Variants in SETX observed in about 807,000 individuals in gnomAD.
The protein encoded by SETX is senataxin.
A neutral mutation model predicts 227.2 loss-of-function variants in SETX; 90 were observed. That is an observed-to-expected ratio of 0.40 (90% confidence interval 0.33 to 0.47). SETX has a LOEUF of 0.47. Among genes scored for constraint, SETX ranks in the 20% least tolerant of loss-of-function variants. The pLI is 0.91. For missense variants in SETX, 3,052 were observed against 3,181.5 expected (o/e 0.96, Z 0.98); for synonymous variants, 1,210 against 1,113.2 (o/e 1.09, Z -1.73).
chr9:132,275,719 T>C (rs1359340385), intron 22 of SETX, among the ~76,000 whole-genome samples: 1 of 152,224 alleles, frequency 6.6e-6, no homozygotes, highest in African/African-American at 2.4e-5. Context: ...ACTTTCTTCA[T>C]CTGTTGAAAC....
At chr9:132,296,697 C>T (rs1844691771) in intron 14 of SETX, among the ~76,000 whole-genome samples, 190 bp downstream of exon 14, 2 of 152,082 alleles carry the variant, frequency 1.3e-5, no homozygotes, top group South Asian at 4.1e-4. Context: ...GTGGTTTTTT[C>T]CTCTTTTTAT....
In SETX at chr9:132,328,418, A is replaced by C. The variant is rs749368120; in HGVS notation, c.3180T>G (p.Asn1060Lys). 1.2e-6 allele frequency: 2 copies of C among 1,613,878 alleles called. No homozygotes were observed. The highest frequency in any genetic ancestry group is 1.7e-6 in the Non-Finnish European group (2 of 1,179,988). The part of the protein sequence containing the change: ...VSTVNSKEEK[N>K]PVKEEKTETL... The stretch of plus-strand genomic sequence containing the variant: ...TCTCTGTCTTTTCTTCCTTTACTGG[A>C]TTCTTTTCCTCCTTACTATTAACTG... The change falls in exon 10 of 26, where the codon AAT becomes AAG. Residue 1060 changes from asparagine (N) to lysine (K), a missense_variant. Transcript: ENST00000224140.
Position 132,326,706 on chromosome 9 carries a change from A to G in SETX, c.4892T>C (p.Ile1631Thr). Residue 1631 changes from isoleucine to threonine, a missense_variant, in exon 10 of 26, where the codon ATA (isoleucine) becomes ACA (threonine). Transcript: ENST00000224140. ...SPSLKNKSKG[I>T]QSILKVPQPV... ...CTGTGGTACTTTCAAAATCGACTGTATCCCCTTTGACTTATTTTTTAGAGA... is the reference window on the plus strand; with the variant it reads ...CTGTGGTACTTTCAAAATCGACTGTGTCCCCTTTGACTTATTTTTTAGAGA... 1.2e-6 allele frequency: 2 copies of G among 1,614,204 alleles called. No homozygotes were observed. The highest frequency in any genetic ancestry group is 1.7e-6 in the Non-Finnish European group (2 of 1,180,034).
rs769867022 is a variant in SETX, at chr9:132,298,240, A to C, written c.5621T>G (p.Leu1874Arg). ...QENFPANLNELVNCIVISSLV... is the reference protein window; with the variant it reads ...QENFPANLNERVNCIVISSLV... ...AGAACTGATTACAATACAATTCACA[A>C]GTTCGTTTAAATTGGCCGGAAAGTT... The change falls in exon 13 of 26, where the codon CTT (leucine) becomes CGT (arginine). Residue 1874 changes from leucine to arginine, a missense_variant. Physicochemically the swap from Leu to Arg is moderately radical, Grantham distance 102 (BLOSUM62 -2). Coordinates refer to ENST00000224140, the MANE Select transcript of SETX (RefSeq NM_015046.7). 2.5e-6 allele frequency: 4 copies of C among 1,614,120 alleles called. No homozygotes were observed. The highest frequency in any genetic ancestry group is 3.3e-4 in the Middle Eastern group (2 of 6,062).
At position 132,327,455 on chromosome 9, in the gene SETX, T is replaced by C; in HGVS notation, c.4143A>G (p.Ala1381=). 6.2e-7 allele frequency: 1 copy of C among 1,614,210 alleles called. No homozygotes were observed. Among genetic ancestry groups the C allele is most frequent in the Non-Finnish European group, 8.5e-7 (1 of 1,180,052 alleles). Residue 1381 remains alanine, a synonymous_variant, in exon 10 of 26, where the codon GCA becomes GCG. Coordinates refer to ENST00000224140, the MANE Select transcript of SETX (RefSeq NM_015046.7). ...CTGGTACAAATATGTCAGAATTCTGTGCTGTATGTGACCCTGCTCTTTTAA... is the reference window on the plus strand; with the variant it reads ...CTGGTACAAATATGTCAGAATTCTGCGCTGTATGTGACCCTGCTCTTTTAA... ...TDVKRAGSHT[A]QNSDIFVPES...
At chr9:132,309,889 T>C (rs959688411) in intron 11 of SETX, among the ~76,000 whole-genome samples, 1 of 152,134 alleles carries the variant, frequency 6.6e-6, no homozygotes, top group African/African-American at 2.4e-5. Context: ...GATTTCTTAC[T>C]CTTCATTTAA....
Position 132,283,423 on chromosome 9 carries a change from C to G in SETX, c.6397-10G>C, listed in dbSNP as rs747494912. The G allele has an allele frequency of 1.2e-6, 2 of 1,614,150 alleles. No individual in the cohort carries two copies. The highest frequency in any genetic ancestry group is 1.7e-6 in the Non-Finnish European group (2 of 1,180,026). On this transcript the variant is annotated splice_polypyrimidine_tract_variant and intron_variant, in intron 18 of 25. Coordinates refer to ENST00000224140, the MANE Select transcript of SETX (RefSeq NM_015046.7). ...GTGGGCGTCCTTGAACCTAAGAGAA[C>G]AAAGGTTAAATCAATATTCAGCTGT...
intron 22 of SETX, among the ~76,000 whole-genome samples, chr9:132,275,851 C>T (rs1843132780): frequency 6.6e-6 from 1 of 152,166 alleles, no homozygotes; most frequent in Non-Finnish European, 1.5e-5. Flanking sequence ...CATGTATGAT[C>T]TTCCTTGTCC....
rs1482921427 is a variant in SETX at position 132,336,029 on chromosome 9, G to GTCAGGA, written c.718+261_718+266dup. On this transcript the variant is annotated intron_variant, in intron 6 of 25. Coordinates refer to ENST00000224140, the MANE Select transcript of SETX (RefSeq NM_015046.7). ...GGCCAGGGTGGGCAGATCACTTGAT[G>GTCAGGA]TCAGGAGTTCAAGACCAGCCTGGCC... Among the ~76,000 whole-genome samples, 6 of 152,278 alleles carry GTCAGGA rather than the reference G, an allele frequency of 3.9e-5. No individual in the cohort carries two copies. The South Asian group carries it at 1.2e-3, about 32-fold the overall frequency.
At chr9:132,356,411 AG>A (rs1848916075), upstream of SETX, among the ~76,000 whole-genome samples, 2 of 152,256 alleles carry the variant, frequency 1.3e-5, no homozygotes, top group African/African-American at 4.8e-5. Flanking sequence ...CATGTTGGCC[AG>A]GATGGTCTCA....
chr9:132,270,679 G>A (rs573340693), intron 24 of SETX, among the ~76,000 whole-genome samples: 12 of 152,270 alleles, frequency 7.9e-5, no homozygotes, highest in African/African-American at 2.9e-4. Flanking sequence ...TTGAAGCCTT[G>A]AAAAATCCTA....
At chr9:132,280,349 T>C (rs553925982) in intron 20 of SETX, among the ~76,000 whole-genome samples, 1 of 152,328 alleles carries the variant, frequency 6.6e-6, no homozygotes, top group East Asian at 1.9e-4. Context: ...TTGAGGCCCA[T>C]TAACAATCTC....
At position 132,346,451 on chromosome 9, in the gene SETX, G is replaced by A. The variant is rs916252109; in HGVS notation, c.198C>T (p.Thr66=). 6.2e-7 allele frequency: 1 copy of A among 1,611,958 alleles called. No homozygotes were observed. Among genetic ancestry groups the A allele is most frequent in the Non-Finnish European group, 8.5e-7 (1 of 1,178,774 alleles). Residue 66 remains threonine (T), a synonymous_variant, in exon 4 of 26, where the codon ACC becomes ACT. Transcript: ENST00000224140. ...TTTCAAAGTGATTTATGAGACGTAA[G>A]GTTTCTAATTCCCATAAAACCTAGA... is the stretch of plus-strand genomic sequence containing the variant. ...FLHEVLWELE[T]LRLINHFEKS...
At chr9:132,291,887 G>T (rs1023641791) in intron 15 of SETX, among the ~76,000 whole-genome samples, 2 of 152,154 alleles carry the variant, frequency 1.3e-5, no homozygotes, top group African/African-American at 4.8e-5. Flanking sequence ...AAGTAGAGGG[G>T]CCTGAAAGAG....
chr9:132,342,395 T>G (rs1300148239), intron 5 of SETX, among the ~76,000 whole-genome samples: 1 of 152,088 alleles, frequency 6.6e-6, no homozygotes, highest in Non-Finnish European at 1.5e-5. Flanking sequence ...GTCAAGCAGG[T>G]GAGAAAGTCA....
At position 132,290,574 on chromosome 9, in the gene SETX, C is replaced by CAAAAAAA. The variant is rs59954158; in HGVS notation, c.6107-1930_6107-1924dup. Among the ~76,000 whole-genome samples the CAAAAAAA allele has an allele frequency of 3.8e-3, 172 of 44,706 alleles. 9 individuals are homozygous for CAAAAAAA. The highest frequency in any genetic ancestry group is 9.0e-3 in the African/African-American group (156 of 17,242). 29.3% of individuals were successfully genotyped at this position (44,706 alleles called of 152,430 possible). The stretch of plus-strand genomic sequence containing the variant: ...TGGGAGACAGAGCGAGACTCCGTCT[C>CAAAAAAA]AAAAAAAAAAAAAAAAAAAAAAAAA... On this transcript the variant is annotated intron_variant, in intron 15 of 25. Transcript: ENST00000224140.
At chr9:132,338,089 TC>T (rs1847744363) in intron 5 of SETX, among the ~76,000 whole-genome samples, 1 of 90,970 alleles carries the variant, frequency 1.1e-5, no homozygotes, top group Admixed American at 1.5e-4. Flanking sequence ...TGAGGAACAC[TC>T]TTTTTTTTTT....
chr9:132,329,784 A>G lies in SETX; in HGVS notation c.1814T>C (p.Phe605Ser). 3.1e-6 allele frequency: 5 copies of G among 1,614,122 alleles called. No individual in the cohort carries two copies. Among genetic ancestry groups the G allele is most frequent in the South Asian group, 2.2e-5 (2 of 91,074 alleles). The change falls in exon 10 of 26, where the codon TTT (phenylalanine) becomes TCT (serine). Residue 605 changes from phenylalanine (F) to serine (S), a missense_variant. This residue lies in a region of SETX where 1,483 missense variants were observed against 1,312.0 expected (regional missense o/e 1.13). Transcript: ENST00000224140. ...TTTACATGCAGAAGTCAGATCCACAAAAGTGTTACATGGAGGTGCTTTGAA... is the reference window on the plus strand; with the variant it reads ...TTTACATGCAGAAGTCAGATCCACAGAAGTGTTACATGGAGGTGCTTTGAA... ...IKFKAPPCNT[F>S]VDLTSACKIS...
chr9:132,282,469 T>C (rs945947792), intron 19 of SETX, among the ~76,000 whole-genome samples: 9 of 151,902 alleles, frequency 5.9e-5, no homozygotes, highest in Non-Finnish European at 8.8e-5. Context: ...TTTGTCTTTT[T>C]AGTAGAGACA....
Sources: allele counts gnomAD v4.1 joint callset (sites outside exome capture counted in the v4.1 genomes callset), GRCh38; gene constraint gnomAD v4.1.1; regional missense constraint gnomAD v4.1.1; transcripts MANE v1.5; gene names NCBI Gene and HGNC (gene_info 2026-07-23, HGNC 2026-07-21).